Variants in NPAS3 observed in about 807,000 individuals in gnomAD.
NPAS3 encodes the protein neuronal PAS domain-containing protein 3.
NPAS3 carries 14 observed loss-of-function variants against 73.1 expected under a neutral mutation model. That is an observed-to-expected ratio of 0.19 (90% CI 0.13 to 0.30). The LOEUF (loss-of-function observed/expected upper bound fraction) is 0.30, where lower values mean the gene tolerates loss of function less well. Ranked by LOEUF, NPAS3 falls within the 10% of genes least tolerant of loss-of-function variation. NPAS3 has a pLI of 1.00. For missense variants in NPAS3, 1,096 were observed against 1,250.0 expected (o/e 0.88, Z 1.86); for synonymous variants, 620 against 541.5 (o/e 1.14, Z -2.01).
At chr14:33,338,761 A>C (rs1038002791) in intron 3 of NPAS3, among the ~76,000 whole-genome samples, 5 of 152,178 alleles carry the variant, frequency 3.3e-5, no homozygotes, top group African/African-American at 1.2e-4. Flanking sequence ...TTTTAATTCA[A>C]ATTTGTTTGC....
chr14:33,728,183 G>C (rs1339516996), intron 6 of NPAS3, among the ~76,000 whole-genome samples: 1 of 152,172 alleles, frequency 6.6e-6, no homozygotes, highest in Non-Finnish European at 1.5e-5. Flanking sequence ...CCCCTGCCAG[G>C]AGCAAGAAAC....
At chr14:33,793,428 T>C (rs144158287) in intron 9 of NPAS3, among the ~76,000 whole-genome samples, 53 of 152,326 alleles carry the variant, frequency 3.5e-4, no homozygotes, top group Non-Finnish European at 5.7e-4. Flanking sequence ...CGGGTTGAGA[T>C]TGCTCACACG....
intron 1 of NPAS3, among the ~76,000 whole-genome samples, chr14:32,973,248 A>G (rs1416278680): frequency 6.6e-6 from 1 of 152,192 alleles, no homozygotes; most frequent in African/African-American, 2.4e-5. Flanking sequence ...ACCAAGCCCA[A>G]ACAAGGAGTG....
At chr14:33,092,489 A>C (rs141975442) in intron 2 of NPAS3, among the ~76,000 whole-genome samples, 4,072 of 152,342 alleles carry the variant, frequency 0.027, 66 homozygotes, top group Non-Finnish European at 0.04. Flanking sequence ...AAATGGAAGA[A>C]CATTCCATGG....
At chr14:33,539,883 A>G (rs906535053) in intron 4 of NPAS3, among the ~76,000 whole-genome samples, 2 of 152,194 alleles carry the variant, frequency 1.3e-5, no homozygotes, top group Non-Finnish European at 1.5e-5. Context: ...TTCTTCTATC[A>G]TAACACTTGT....
intron 5 of NPAS3, among the ~76,000 whole-genome samples, chr14:33,620,374 T>A (rs553207215): frequency 6.1e-4 from 93 of 152,168 alleles, no homozygotes; most frequent in Non-Finnish European, 1.2e-3. Context: ...AATTCTATTA[T>A]GAAAATGGAA....
chr14:33,797,763 C>A (rs985174293), intron 11 of NPAS3, among the ~76,000 whole-genome samples, 182 bp downstream of exon 11: 2 of 151,936 alleles, frequency 1.3e-5, no homozygotes, highest in African/African-American at 4.8e-5. Context: ...TATAATTGTA[C>A]ACCACTACAT....
chr14:33,189,088 T>C (rs2046078536), intron 2 of NPAS3, among the ~76,000 whole-genome samples: 2 of 152,182 alleles, frequency 1.3e-5, no homozygotes, highest in South Asian at 2.1e-4. Context: ...GCCTTTCCAA[T>C]TGGCTACACT....
At chr14:33,787,423 T>G (rs966816399) in intron 9 of NPAS3, among the ~76,000 whole-genome samples, 1 of 152,054 alleles carries the variant, frequency 6.6e-6, no homozygotes, top group Non-Finnish European at 1.5e-5. Context: ...AGGTTGTAAA[T>G]CACACAGATA....
In NPAS3 at chr14:33,379,977, CGTGTGT is replaced by C. The variant is rs34208750; in HGVS notation, c.468+12738_468+12743del. Among the ~76,000 whole-genome samples the C allele has an allele frequency of 7.1e-4, 103 of 144,296 alleles. 2 individuals carry two copies. The highest frequency in any genetic ancestry group is 9.6e-4 in the African/African-American group (37 of 38,588). The allele number at this position is 144,296 out of a possible 152,430, so 94.7% of individuals were successfully genotyped here. On this transcript the variant is annotated intron_variant, in intron 4 of 11. Coordinates refer to ENST00000356141, the Ensembl canonical transcript of NPAS3. ...AGAAGAATCTTAAGTAGTTATCCCT[CGTGTGT>C]GTGTGTGTGTGTGTGTGTGTGTGTG...
intron 4 of NPAS3, among the ~76,000 whole-genome samples, chr14:33,511,558 G>T (rs971299623): frequency 6.6e-6 from 1 of 152,056 alleles, no homozygotes; most frequent in Middle Eastern, 3.2e-3. Flanking sequence ...CCGCGCTGTT[G>T]TATCCTCTTT....
rs143323025 is a variant in NPAS3, at chr14:33,633,166, A to G, written c.559-43045A>G. On this transcript the variant is annotated intron_variant, in intron 5 of 11. Transcript: ENST00000356141. ...GGATATGCTTAGGTTATATGCATAT[A>G]CCATGCAATTTATATAAGGGACTTG... is the stretch of plus-strand genomic sequence containing the variant. 4.8e-3 allele frequency among the ~76,000 whole-genome samples: 736 copies of G among 152,340 alleles called. 5 individuals are homozygous for G. Among genetic ancestry groups the G allele is most frequent in the African/African-American group, 0.016 (673 of 41,578 alleles).
rs10140246 is a variant in NPAS3, at chr14:33,573,914, G to A, written c.558+13704G>A. On this transcript the variant is annotated intron_variant, in intron 5 of 11. Transcript: ENST00000356141. ...GGAAATAAAAGAAGGGGATGGACTC[G>A]AGAAGCCTTTTTCCGGTAAGATCAA... 2.2e-3 allele frequency among the ~76,000 whole-genome samples: 339 copies of A among 152,314 alleles called. 1 individual carries two copies. The highest frequency in any genetic ancestry group is 7.4e-3 in the African/African-American group (308 of 41,578).
chr14:33,277,279 C>A (rs917797850), intron 3 of NPAS3, among the ~76,000 whole-genome samples: 1 of 152,132 alleles, frequency 6.6e-6, no homozygotes, highest in African/African-American at 2.4e-5. Flanking sequence ...TGTTGACAAG[C>A]AAGAAGTCTT....
At chr14:33,124,908 A>G (rs2043370194) in intron 2 of NPAS3, among the ~76,000 whole-genome samples, 2 of 152,138 alleles carry the variant, frequency 1.3e-5, no homozygotes, top group African/African-American at 4.8e-5. Flanking sequence ...TTTAGGATTC[A>G]TGGCAAGGAA....
chr14:33,437,622 T>C (rs2139225835), intron 4 of NPAS3, among the ~76,000 whole-genome samples: 2 of 152,306 alleles, frequency 1.3e-5, no homozygotes, highest in South Asian at 4.1e-4. Context: ...GGACAACCAC[T>C]TCAGGATTGA....
intron 4 of NPAS3, among the ~76,000 whole-genome samples, chr14:33,512,367 G>A (rs145607577): frequency 4.5e-4 from 68 of 151,902 alleles, no homozygotes; most frequent in Non-Finnish European, 7.1e-4. Flanking sequence ...TTCAACACCC[G>A]AGAAAAGTTT....
upstream of NPAS3, chr14:32,935,128 C>A: frequency 2.7e-6 from 1 of 366,950 alleles, no homozygotes; most frequent in East Asian, 8.8e-5. Context: ...TTTGCCTGCC[C>A]CTCGTTCTAC....
At chr14:33,643,374 T>TAAAAAAA (rs1268140320) in intron 5 of NPAS3, among the ~76,000 whole-genome samples, 1 of 17,774 alleles carries the variant, frequency 5.6e-5, no homozygotes. Flanking sequence ...GAAATAAAAA[T>TAAAAAAA]TAAAAAAAAA....
Sources: gnomAD v4.1 joint callset for allele counts (sites outside exome capture counted in the v4.1 genomes callset) on GRCh38, gnomAD v4.1.1 for gene constraint, MANE v1.5 for transcripts, NCBI Gene and HGNC (gene_info 2026-07-23, HGNC 2026-07-21) for gene names.